The following ANGEL1 variants were observed in gnomAD, a reference collection of about 807,000 sequenced individuals.
The protein encoded by ANGEL1 is angel homolog 1.
In ANGEL1, 62 loss-of-function variants were observed where a neutral mutation model predicts 76.4. The observed-to-expected ratio is 0.81, with a 90% CI of 0.66 to 1.00. The LOEUF (loss-of-function observed/expected upper bound fraction) is 1.00. ANGEL1 is among the 50% of genes least tolerant of loss of function. ANGEL1 has a pLI of 0.00. For missense variants in ANGEL1, 737 were observed against 836.7 expected (o/e 0.88, Z 1.47); for synonymous variants, 340 against 331.7 (o/e 1.03, Z -0.27).
chr14:76,799,861 G>A (rs1327603108), intron 7 of ANGEL1, among the ~76,000 whole-genome samples: 1 of 148,650 alleles, frequency 6.7e-6, no homozygotes, highest in East Asian at 2.0e-4. Flanking sequence ...AGCCATGACT[G>A]TACCACTGCA....
In ANGEL1 at chr14:76,812,833, G is replaced by GCCGC. The variant is rs769378332; in HGVS notation, c.-10_-7dup. The stretch of plus-strand genomic sequence containing the variant: ...CACAAGCACGACGCGATCATGGCCG[G>GCCGC]CCGCCCGCGCCCGCCTCCGCTCCTC... On this transcript the variant is annotated 5_prime_UTR_variant, in exon 1 of 10. Transcript: ENST00000251089. The GCCGC allele has an allele frequency of 1.3e-6, 2 of 1,507,958 alleles. No individual in the cohort carries two copies. Among genetic ancestry groups the GCCGC allele is most frequent in the Non-Finnish European group, 1.8e-6 (2 of 1,132,260 alleles). The allele number at this position is 1,507,958 out of a possible 1,614,324, so 93.4% of individuals were successfully genotyped here.
chr14:76,805,221 C>A (rs1031896992), intron 5 of ANGEL1, among the ~76,000 whole-genome samples: 1 of 152,066 alleles, frequency 6.6e-6, no homozygotes, highest in Non-Finnish European at 1.5e-5. Flanking sequence ...ATAGATGAGG[C>A]AAATGGGGTT....
Position 76,806,477 on chromosome 14 carries a change from G to GA in ANGEL1, c.1318dup (p.Ser440PhefsTer50). On this transcript the variant is annotated frameshift_variant, in exon 5 of 10. Transcript: ENST00000251089. LOFTEE classifies it high-confidence loss of function. ...ATCCCTGATGAAGTTGTAGAGAGGT[G>GA]AATCAGGGACAGAATTTAGGTCCCC... is the stretch of plus-strand genomic sequence containing the variant. 3 of 1,614,158 alleles carry GA rather than the reference G, an allele frequency of 1.9e-6. No homozygotes were observed. The highest frequency in any genetic ancestry group is 2.5e-6 in the Non-Finnish European group (3 of 1,180,024).
chr14:76,809,755 A>C, intron 1 of ANGEL1, 112 bp from the exon 2 acceptor site: 1 of 870,204 alleles, frequency 1.1e-6, no homozygotes, highest in East Asian at 2.6e-5. Flanking sequence ...CTTGCTCATC[A>C]TTGTACCATC....
chr14:76,806,981 C>T, intron 4 of ANGEL1, 132 bp from the exon 5 acceptor site: 1 of 1,053,422 alleles, frequency 9.5e-7, no homozygotes, highest in Non-Finnish European at 1.4e-6. Flanking sequence ...GCCTTTGCCA[C>T]TTCCTTGGTT....
chr14:76,809,793 A>ACAT (rs1566702468), intron 1 of ANGEL1, 150 bp from the exon 2 acceptor site: 11 of 663,802 alleles, frequency 1.7e-5, no homozygotes, highest in African/African-American at 5.5e-5. Context: ...TAATGCCTGA[A>ACAT]CATCATCATC....
Position 76,790,595 on chromosome 14 carries a change from G to A in ANGEL1, c.1852+16C>T. The A allele has an allele frequency of 6.2e-7, 1 of 1,601,038 alleles. No individual in the cohort carries two copies. Among genetic ancestry groups the A allele is most frequent in the Middle Eastern group, 1.7e-4 (1 of 5,990 alleles). ...GGGACCTGGGGGTGGAGGAACCCAG[G>A]ATCCATCAGGCTTACCAGTTCTGTT... On this transcript the variant is annotated intron_variant, in intron 9 of 9. Transcript: ENST00000251089.
At chr14:76,795,372 T>C (rs1381392400) in intron 7 of ANGEL1, among the ~76,000 whole-genome samples, 2 of 152,208 alleles carry the variant, frequency 1.3e-5, no homozygotes, top group African/African-American at 2.4e-5. Context: ...TATTGGTCTT[T>C]CAATATGCTG....
Position 76,809,490 on chromosome 14 carries a change from A to G in ANGEL1, c.218T>C (p.Leu73Pro). 1.2e-6 allele frequency: 2 copies of G among 1,614,208 alleles called. No homozygotes were observed. Among genetic ancestry groups the G allele is most frequent in the Non-Finnish European group, 1.7e-6 (2 of 1,180,046 alleles). Residue 73 changes from leucine (L) to proline (P), a missense_variant, in exon 2 of 10, where the codon CTC becomes CCC. Physicochemically the swap from Leu to Pro is moderately conservative, Grantham distance 98. Transcript: ENST00000251089. ...AAGGGGCCCCTCACTTGCAGTTGAG[A>G]GCACCTGGCTCAACCCTTCTTCTCG... ...QWREEGLSQVLSTASEGPLID... is the reference protein window; with the variant it reads ...QWREEGLSQVPSTASEGPLID...
intron 7 of ANGEL1, 102 bp downstream of exon 7, chr14:76,803,269 C>A (rs1467472236): frequency 2.2e-6 from 2 of 924,686 alleles, no homozygotes; most frequent in Non-Finnish European, 3.3e-6. Flanking sequence ...AGAAGCTAAT[C>A]TCTAAGAATT....
At chr14:76,789,968 G>A (rs1188192710) in intron 9 of ANGEL1, among the ~76,000 whole-genome samples, 1 of 151,380 alleles carries the variant, frequency 6.6e-6, no homozygotes, top group Non-Finnish European at 1.5e-5. Context: ...GAGTTCAAGC[G>A]ATTCTCCTGC....
chr14:76,803,763 C>T, intron 6 of ANGEL1, 23 bp downstream of exon 6: 2 of 1,582,312 alleles, frequency 1.3e-6, no homozygotes, highest in Non-Finnish European at 1.7e-6. Flanking sequence ...ACACAGCCAA[C>T]CAAGAATGTG....
chr14:76,791,440 A>G, intron 7 of ANGEL1, 74 bp from the exon 8 acceptor site: 1 of 1,381,710 alleles, frequency 7.2e-7, no homozygotes, highest in East Asian at 2.4e-5. Context: ...TTCACCCTAA[A>G]ATCCCTCTCA....
intron 9 of ANGEL1, among the ~76,000 whole-genome samples, chr14:76,789,861 ATTT>A (rs771023614): frequency 5.1e-5 from 3 of 58,610 alleles, no homozygotes; most frequent in African/African-American, 1.8e-4. Flanking sequence ...TGCCTGGCTA[ATTT>A]TTTTTTTTTT....
At position 76,806,942 on chromosome 14, in the gene ANGEL1, A is replaced by G. The variant is rs955240136; in HGVS notation, c.947-93T>C. ...CCAGCAGTCCCAGTGTATGCCCCTGAGGCATTGTTCCTGCTACTCAGTAAA... is the reference window on the plus strand; with the variant it reads ...CCAGCAGTCCCAGTGTATGCCCCTGGGGCATTGTTCCTGCTACTCAGTAAA... On this transcript the variant is annotated intron_variant, in intron 4 of 9. Coordinates refer to ENST00000251089, the MANE Select transcript of ANGEL1 (RefSeq NM_015305.4). The G allele has an allele frequency of 3.2e-5, 43 of 1,353,194 alleles. No homozygotes were observed. The African/African-American group carries it at 4.2e-4, about 13-fold the overall frequency. The allele number at this position is 1,353,194 out of a possible 1,614,324, so 83.8% of individuals were successfully genotyped here. A position where few individuals can be genotyped will look rare whatever the true frequency, so the allele number is the denominator to read the frequency against.
chr14:76,799,148 T>C (rs1894674911), intron 7 of ANGEL1, among the ~76,000 whole-genome samples: 1 of 152,070 alleles, frequency 6.6e-6, no homozygotes, highest in Non-Finnish European at 1.5e-5. Context: ...TAAGTTGTCA[T>C]GGTTTGAAAT....
intron 4 of ANGEL1, 115 bp from the exon 5 acceptor site, chr14:76,806,964 TA>T (rs1304137844): frequency 1.7e-6 from 2 of 1,178,094 alleles, no homozygotes. Flanking sequence ...TGCTACTCAG[TA>T]AAGGAGCCTT....
chr14:76,803,597 A>G, intron 6 of ANGEL1, 116 bp from the exon 7 acceptor site: 1 of 1,354,730 alleles, frequency 7.4e-7, no homozygotes, highest in Admixed American at 2.1e-5. Flanking sequence ...TCAGAAGACA[A>G]GGAGATTTTC....
At chr14:76,799,271 T>C (rs1428169107) in intron 7 of ANGEL1, among the ~76,000 whole-genome samples, 1 of 139,424 alleles carries the variant, frequency 7.2e-6, no homozygotes, top group Non-Finnish European at 1.5e-5. Context: ...ACTCCATTCA[T>C]GGCCTCCTTT....
Sources: gnomAD v4.1 joint callset for allele counts (sites outside exome capture counted in the v4.1 genomes callset) on GRCh38, gnomAD v4.1.1 for gene constraint, MANE v1.5 for transcripts, NCBI Gene and HGNC (gene_info 2026-07-23, HGNC 2026-07-21) for gene names.